Variants in BMS1 observed in about 807,000 individuals in gnomAD.
The protein encoded by BMS1 is ribosome biogenesis protein BMS1 homolog.
A neutral mutation model predicts 138.7 loss-of-function variants in BMS1; 53 were observed. The ratio of observed to expected loss-of-function variants is 0.38; its 90% CI spans 0.31 to 0.48. The LOEUF (loss-of-function observed/expected upper bound fraction) is 0.48. Ranked by LOEUF, BMS1 falls within the 20% of genes least tolerant of loss-of-function variation. BMS1 has a pLI of 0.97. For synonymous variants in BMS1, 504 were observed against 539.9 expected (o/e 0.93, Z 0.92); for missense variants, 1,360 against 1,565.5 (o/e 0.87, Z 2.22).
intron 13 of BMS1, among the ~76,000 whole-genome samples, chr10:42,806,763 C>A (rs931080796): frequency 2.2e-4 from 33 of 146,896 alleles, no homozygotes; most frequent in Admixed American, 3.4e-4. Context: ...AAAAAAATCA[C>A]CTTTTCTATT....
chr10:42,806,913 T>C (rs1681736043), intron 13 of BMS1, among the ~76,000 whole-genome samples: 1 of 152,186 alleles, frequency 6.6e-6, no homozygotes, highest in Non-Finnish European at 1.5e-5. Context: ...TATCTTGTAC[T>C]ATAGCAGTAT....
intron 6 of BMS1, 43 bp from the exon 7 acceptor site, chr10:42,792,450 C>G (rs1554793648): frequency 1.2e-6 from 2 of 1,603,598 alleles, no homozygotes; most frequent in Non-Finnish European, 1.7e-6. Flanking sequence ...GGTATAGGAA[C>G]TTTTGGCATT....
rs1374356772 is a variant in BMS1, at chr10:42,797,425, C to G, written c.1991C>G (p.Ala664Gly). The change falls in exon 11 of 23, where the codon GCC becomes GGC. Residue 664 changes from alanine to glycine, a missense_variant. Ala to Gly is a moderately conservative substitution (Grantham distance 60). This residue lies in a region of BMS1 where 697 missense variants were observed against 686.2 expected (regional missense o/e 1.02). Coordinates refer to ENST00000374518, the MANE Select transcript of BMS1 (RefSeq NM_014753.4). ...ENNDSKETSGALKWKEDLSRK... is the reference protein window; with the variant it reads ...ENNDSKETSGGLKWKEDLSRK... Reference sequence around the variant, plus strand: ...AGGTTGGCATTGGTCGTTTCAGGTGCCCTCAAGTGGAAGGAAGACCTTTCC... The same window carrying G: ...AGGTTGGCATTGGTCGTTTCAGGTGGCCTCAAGTGGAAGGAAGACCTTTCC... 6.2e-7 allele frequency: 1 copy of G among 1,613,998 alleles called. No homozygotes were observed. The highest frequency in any genetic ancestry group is 1.3e-5 in the African/African-American group (1 of 74,918).
chr10:42,785,341 C>T (rs1401000384), intron 2 of BMS1, 141 bp from the exon 3 acceptor site: 1 of 580,594 alleles, frequency 1.7e-6, no homozygotes, highest in Admixed American at 3.4e-5. Flanking sequence ...TATATATTGT[C>T]TGTTGTACTC....
intron 21 of BMS1, among the ~76,000 whole-genome samples, chr10:42,829,166 G>T (rs1842735307): frequency 6.6e-6 from 1 of 152,116 alleles, no homozygotes; most frequent in Non-Finnish European, 1.5e-5. Context: ...CAAAAAATTA[G>T]CCAGGCGTGG....
rs1274193641 is a variant in BMS1, at chr10:42,791,629, T to G, written c.639T>G (p.Gly213=). The change falls in exon 6 of 23, where the codon GGT becomes GGG. Residue 213 remains glycine, a splice_region_variant and synonymous_variant. Coordinates refer to ENST00000374518, the MANE Select transcript of BMS1 (RefSeq NM_014753.4). The stretch of plus-strand genomic sequence containing the variant: ...TTTAATTTTCCTCTAATGTTTAGGG[T>G]GCCAAGCTGTTCTACCTTTCTGGAA... ...KHRFWTEVYP[G]AKLFYLSGMV... 1 of 1,602,226 alleles carries G rather than the reference T, an allele frequency of 6.2e-7. No homozygotes were observed. The highest frequency in any genetic ancestry group is 1.3e-5 in the African/African-American group (1 of 74,164).
At chr10:42,785,403 A>G in intron 2 of BMS1, 79 bp from the exon 3 acceptor site, 1 of 1,326,418 alleles carries the variant, frequency 7.5e-7, no homozygotes, top group Non-Finnish European at 1.0e-6. Context: ...AAAAAAGTCT[A>G]CTTATAAGGT....
rs11239786 is a variant in BMS1 at position 42,817,359 on chromosome 10, C to T, written c.2445C>T (p.Pro815=). The T allele has an allele frequency of 0.19, 308,264 of 1,602,556 alleles. 32,780 individuals are homozygous for T. Among genetic ancestry groups the T allele is most frequent in the East Asian group, 0.37 (16,680 of 44,690 alleles). Residue 815 remains proline, a synonymous_variant, in exon 15 of 23, where the codon CCC becomes CCT. Coordinates refer to ENST00000374518, the MANE Select transcript of BMS1 (RefSeq NM_014753.4). ...AAGAAGTTAAGGAAGAAATTGACCC[C>T]GACGAAGAAGAAAGTGCCAAGAAAA... ...IEKEVKEEID[P]DEEESAKKKH...
At chr10:42,801,418 C>G (rs1229354287) in intron 12 of BMS1, among the ~76,000 whole-genome samples, 1 of 152,178 alleles carries the variant, frequency 6.6e-6, no homozygotes, top group Non-Finnish European at 1.5e-5. Context: ...TATACTGTCT[C>G]ATTTCTCTTT....
chr10:42,822,232 G>A, intron 19 of BMS1, 48 bp downstream of exon 19: 2 of 1,154,338 alleles, frequency 1.7e-6, no homozygotes, highest in Non-Finnish European at 2.4e-6. Flanking sequence ...CATATTGTTT[G>A]AGAAAAGGAA....
chr10:42,830,497 T>C lies in BMS1; in HGVS notation c.3618+75T>C, dbSNP rs142499238. On this transcript the variant is annotated intron_variant, in intron 22 of 22. Coordinates refer to ENST00000374518, the MANE Select transcript of BMS1 (RefSeq NM_014753.4). Reference sequence around the variant, plus strand: ...CACTCTCAATAGCACACTTCCTGTTTCTACTGTAGTCTCAGTTATTCAGGG... The same window carrying C: ...CACTCTCAATAGCACACTTCCTGTTCCTACTGTAGTCTCAGTTATTCAGGG... The C allele has an allele frequency of 4.1e-3, 6,292 of 1,518,208 alleles. 19 individuals carry two copies. Among genetic ancestry groups the C allele is most frequent in the Middle Eastern group, 0.014 (81 of 5,652 alleles). The allele number at this position is 1,518,208 out of a possible 1,614,324, so 94.0% of individuals were successfully genotyped here. A position where few individuals can be genotyped will look rare whatever the true frequency, so the allele number is the denominator to read the frequency against.
At chr10:42,807,770 G>A (rs1842054825) in intron 13 of BMS1, among the ~76,000 whole-genome samples, 1 of 152,180 alleles carries the variant, frequency 6.6e-6, no homozygotes. Flanking sequence ...CACTTGTATA[G>A]AAGTTTTTGT....
At chr10:42,827,516 G>T (rs769334329) in intron 21 of BMS1, among the ~76,000 whole-genome samples, 1 of 152,140 alleles carries the variant, frequency 6.6e-6, no homozygotes, top group South Asian at 2.1e-4. Context: ...AGGAGGGCAC[G>T]TTGCAGCAGC....
rs369244218 is a variant in BMS1 at position 42,830,453 on chromosome 10, C to T, written c.3618+31C>T. 30 of 1,572,620 alleles carry T rather than the reference C, an allele frequency of 1.9e-5. 1 individual carries two copies. In the South Asian group the frequency reaches 2.0e-4, roughly 11 times the overall value. Reference sequence around the variant, plus strand: ...GTTGCCCATGCTGTACTGCACGCTGCGTTTAGATAGGAAAAGAACACTCTC... The same window carrying T: ...GTTGCCCATGCTGTACTGCACGCTGTGTTTAGATAGGAAAAGAACACTCTC... On this transcript the variant is annotated intron_variant, in intron 22 of 22. Coordinates refer to ENST00000374518, the MANE Select transcript of BMS1 (RefSeq NM_014753.4).
At chr10:42,786,577 TTC>T (rs1234487598) in intron 3 of BMS1, among the ~76,000 whole-genome samples, 1 of 151,796 alleles carries the variant, frequency 6.6e-6, no homozygotes, top group African/African-American at 2.4e-5. Flanking sequence ...TGGCTAATTT[TTC>T]TTTTTTTTCC....
At chr10:42,800,171 CTTAA>C (rs906145954) in intron 12 of BMS1, among the ~76,000 whole-genome samples, 17 of 152,262 alleles carry the variant, frequency 1.1e-4, no homozygotes, top group African/African-American at 3.1e-4. Flanking sequence ...GTTATTTAAT[CTTAA>C]TTAAGATTAA....
intron 2 of BMS1, among the ~76,000 whole-genome samples, chr10:42,784,939 C>T (rs1362206214): frequency 2.0e-5 from 3 of 152,120 alleles, no homozygotes; most frequent in Admixed American, 6.5e-5. Context: ...TTAGTGAGCC[C>T]TTGTGATATG....
At chr10:42,800,638 T>C (rs1029559515) in intron 12 of BMS1, among the ~76,000 whole-genome samples, 5 of 151,430 alleles carry the variant, frequency 3.3e-5, no homozygotes, top group Admixed American at 6.6e-5. Flanking sequence ...GCCATTCTCC[T>C]GCCTCAGCCT....
intron 13 of BMS1, among the ~76,000 whole-genome samples, chr10:42,804,326 T>C (rs1841954417): frequency 1.3e-5 from 2 of 152,252 alleles, no homozygotes; most frequent in African/African-American, 4.8e-5. Context: ...TTTTCCAAAG[T>C]GTTTATACCA....
Sources: allele counts gnomAD v4.1 joint callset (sites outside exome capture counted in the v4.1 genomes callset), GRCh38; gene constraint gnomAD v4.1.1; regional missense constraint gnomAD v4.1.1; transcripts MANE v1.5; gene names NCBI Gene and HGNC (gene_info 2026-07-23, HGNC 2026-07-21).